NCK2: variants seen among roughly 807,000 people sequenced by gnomAD.
NCK2 encodes cytoplasmic protein NCK2.
NCK2 carries 16 observed loss-of-function variants against 33.9 expected under a neutral mutation model. The observed-to-expected ratio is 0.47, with a 90% confidence interval of 0.32 to 0.72. The LOEUF (loss-of-function observed/expected upper bound fraction) is 0.72. Among genes scored for constraint, NCK2 ranks in the 30% least tolerant of loss-of-function variants. NCK2 has a pLI of 0.03. For synonymous variants in NCK2, 273 were observed against 239.9 expected (o/e 1.14, Z -1.27); for missense variants, 418 against 537.3 (o/e 0.78, Z 2.19).
chr2:105,847,920 C>T (rs1241842582), intron 2 of NCK2, among the ~76,000 whole-genome samples: 2 of 152,128 alleles, frequency 1.3e-5, no homozygotes, highest in African/African-American at 4.8e-5. Context: ...GGAGCTGTGA[C>T]CCAAGACTTA....
chr2:105,878,718 T>C (rs1678337601), intron 3 of NCK2, among the ~76,000 whole-genome samples: 1 of 152,252 alleles, frequency 6.6e-6, no homozygotes, highest in Non-Finnish European at 1.5e-5. Context: ...ATTTATTAAG[T>C]AATTTGACTA....
rs530763244 is a variant in NCK2, at chr2:105,776,105, T to C, written c.-201+30967T>C. On this transcript the variant is annotated intron_variant, in intron 1 of 4. Transcript: ENST00000233154. ...CCTTACTGCAGGCCACCTCTGGGGG[T>C]GTGGGTGCGGAGCAGGCCATGCCTG... Among the ~76,000 whole-genome samples the C allele has an allele frequency of 1.1e-4, 16 of 152,270 alleles. No homozygotes were observed. The East Asian group carries it at 2.7e-3, about 26-fold the overall frequency.
At chr2:105,755,068 T>A (rs1319242973) in intron 1 of NCK2, among the ~76,000 whole-genome samples, 1 of 152,190 alleles carries the variant, frequency 6.6e-6, no homozygotes, top group Non-Finnish European at 1.5e-5. Context: ...TCTTTGTTAC[T>A]GCCCTCATAT....
chr2:105,760,053 C>T (rs1689720863), intron 1 of NCK2, among the ~76,000 whole-genome samples: 1 of 152,142 alleles, frequency 6.6e-6, no homozygotes, highest in Admixed American at 6.5e-5. Flanking sequence ...TGACTCTTTT[C>T]CCTTCTTTCC....
chr2:105,815,821 G>A (rs970205529), intron 1 of NCK2, among the ~76,000 whole-genome samples: 8 of 152,136 alleles, frequency 5.3e-5, no homozygotes, highest in East Asian at 1.9e-4. Context: ...ACCCTTCTCC[G>A]TCATTAGACT....
chr2:105,857,047 T>TAA (rs70953538), intron 3 of NCK2: 5 of 130,784 alleles, frequency 3.8e-5, no homozygotes, highest in African/African-American at 1.1e-4. Flanking sequence ...TTTTTTTTTT[T>TAA]TTGTATTTAC....
chr2:105,775,752 ACCTC>A (rs1690278587), intron 1 of NCK2, among the ~76,000 whole-genome samples: 1 of 151,342 alleles, frequency 6.6e-6, no homozygotes, highest in African/African-American at 2.4e-5. Context: ...GGAGCACCAC[ACCTC>A]CCGGTGTGGT....
At chr2:105,852,272 T>A (rs1677097033) in intron 2 of NCK2, among the ~76,000 whole-genome samples, 1 of 152,192 alleles carries the variant, frequency 6.6e-6, no homozygotes, top group Admixed American at 6.5e-5. Flanking sequence ...GCATCACTGC[T>A]CAACATTTAC....
chr2:105,766,853 C>T (rs1018319752), intron 1 of NCK2, among the ~76,000 whole-genome samples: 6 of 152,208 alleles, frequency 3.9e-5, no homozygotes, highest in Non-Finnish European at 7.3e-5. Context: ...GTTTGACTTA[C>T]AAATTAATAT....
chr2:105,749,686 G>A (rs1689391444), intron 1 of NCK2, among the ~76,000 whole-genome samples: 1 of 137,828 alleles, frequency 7.3e-6, no homozygotes, highest in African/African-American at 2.7e-5. Flanking sequence ...TATTGGTGGA[G>A]CAGATTCTGG....
intron 3 of NCK2, among the ~76,000 whole-genome samples, chr2:105,857,340 G>A (rs1027093954): frequency 4.6e-5 from 7 of 152,248 alleles, no homozygotes; most frequent in South Asian, 2.1e-4. Flanking sequence ...CTGGGCCCGC[G>A]CCCGTCCCCG....
In NCK2 at chr2:105,842,936, C is replaced by T. The variant is rs140104514; in HGVS notation, c.-16-12112C>T. On this transcript the variant is annotated intron_variant, in intron 2 of 4. Transcript: ENST00000233154. ...GCTTGCCATTGCTTAGCAGGAGGGA[C>T]AGTCTAGTGGAGATAAAATACCATC... Among the ~76,000 whole-genome samples, 179 of 152,164 alleles carry T rather than the reference C, an allele frequency of 1.2e-3. 1 individual carries two copies. The highest frequency in any genetic ancestry group is 4.2e-3 in the African/African-American group (173 of 41,508).
At chr2:105,759,853 T>C (rs1226107072) in intron 1 of NCK2, among the ~76,000 whole-genome samples, 1 of 152,022 alleles carries the variant, frequency 6.6e-6, no homozygotes, top group East Asian at 1.9e-4. Context: ...CAGTTGAGAG[T>C]TGTCAGATGT....
rs141509486 is a variant in NCK2, at chr2:105,881,917, C to T, written c.816C>T (p.Thr272=). The change falls in exon 4 of 5, where the codon ACC becomes ACT. Residue 272 remains threonine (T), a synonymous_variant. Coordinates refer to ENST00000233154, the MANE Select transcript of NCK2 (RefSeq NM_003581.5). ...CGCACGCCCCACAGATAAGCTACAC[C>T]GGGCCCTCGTCCAGCGGGCGCTTCG... ...HPAHAPQISY[T]GPSSSGRFAG... is the part of the protein sequence containing the mutation. 1.9e-5 allele frequency: 30 copies of T among 1,565,188 alleles called. No homozygotes were observed. The highest frequency in any genetic ancestry group is 4.1e-5 in the African/African-American group (3 of 73,394).
In NCK2 at chr2:105,893,451, C is replaced by G; in HGVS notation, c.*275C>G. On this transcript the variant is annotated 3_prime_UTR_variant, in exon 5 of 5. Transcript: ENST00000233154. ...GGAAGTGGCGCTCGTGCATTCAACT[C>G]GTTCCCGCTCATGGAACCCCTCTTT... The G allele has an allele frequency of 2.6e-6, 1 of 377,430 alleles. No homozygotes were observed. The highest frequency in any genetic ancestry group is 4.9e-6 in the Non-Finnish European group (1 of 202,072). The allele number at this position is 377,430 out of a possible 1,614,324, so 23.4% of individuals were successfully genotyped here. A position where few individuals can be genotyped will look rare whatever the true frequency, so the allele number is the denominator to read the frequency against.
intron 3 of NCK2, among the ~76,000 whole-genome samples, chr2:105,875,325 A>G (rs1052011428): frequency 3.3e-5 from 5 of 152,074 alleles, no homozygotes; most frequent in African/African-American, 4.8e-5. Flanking sequence ...CAAACAGAAC[A>G]TTGCAGCTGC....
chr2:105,864,490 G>A (rs745406503), intron 3 of NCK2, among the ~76,000 whole-genome samples: 5 of 152,068 alleles, frequency 3.3e-5, no homozygotes, highest in Admixed American at 2.0e-4. Context: ...ACTGAGCCAC[G>A]GTGCGTAGTG....
intron 1 of NCK2, among the ~76,000 whole-genome samples, chr2:105,802,943 C>T (rs959667265): frequency 6.6e-6 from 1 of 151,906 alleles, no homozygotes; most frequent in African/African-American, 2.4e-5. Flanking sequence ...TGTATAGCAC[C>T]AAGCACAGTG....
chr2:105,809,041 T>A (rs1675193482), intron 1 of NCK2, among the ~76,000 whole-genome samples: 1 of 152,244 alleles, frequency 6.6e-6, no homozygotes. Context: ...TGTTACAATG[T>A]GATGCAGGAG....
Sources: allele counts gnomAD v4.1 joint callset (sites outside exome capture counted in the v4.1 genomes callset), GRCh38; gene constraint gnomAD v4.1.1; transcripts MANE v1.5; gene names NCBI Gene and HGNC (gene_info 2026-07-23, HGNC 2026-07-21).